The following DGKI variants were observed in gnomAD, a reference collection of about 807,000 sequenced individuals.
DGKI encodes diacylglycerol kinase iota, also known as DAG kinase iota.
A neutral mutation model predicts 147.5 loss-of-function variants in DGKI; 55 were observed. The ratio of observed to expected loss-of-function variants is 0.37; its 90% CI spans 0.30 to 0.47. DGKI has a LOEUF of 0.47. Ranked by LOEUF, DGKI falls within the 20% of genes least tolerant of loss-of-function variation. DGKI has a pLI of 1.00. For missense variants in DGKI, 1,007 were observed against 1,323.8 expected (o/e 0.76, Z 3.71); for synonymous variants, 469 against 477.1 (o/e 0.98, Z 0.22).
intron 1 of DGKI, among the ~76,000 whole-genome samples, chr7:137,752,633 C>T (rs1345852170): frequency 1.3e-5 from 2 of 152,298 alleles, no homozygotes; most frequent in East Asian, 1.9e-4. Flanking sequence ...AATCCCTGTC[C>T]TGTTCTGTTC....
At chr7:137,649,115 A>G (rs766022048) in intron 5 of DGKI, among the ~76,000 whole-genome samples, 3 of 152,218 alleles carry the variant, frequency 2.0e-5, no homozygotes, top group Non-Finnish European at 2.9e-5. Flanking sequence ...GTTTGAACAA[A>G]GCAAACATCC....
intron 19 of DGKI, among the ~76,000 whole-genome samples, chr7:137,560,420 G>T (rs1723102): frequency 1.7e-3 from 255 of 151,990 alleles, no homozygotes; most frequent in African/African-American, 5.8e-3. Context: ...AGTTCGTTGG[G>T]GAAAAAAATA....
At chr7:137,822,659 T>C (rs1232553281) in intron 1 of DGKI, among the ~76,000 whole-genome samples, 2 of 151,874 alleles carry the variant, frequency 1.3e-5, no homozygotes, top group East Asian at 1.9e-4. Context: ...CAGCCTCCAA[T>C]GTAAAGAGAA....
intron 1 of DGKI, among the ~76,000 whole-genome samples, chr7:137,743,513 A>C (rs1795238653): frequency 6.6e-6 from 1 of 152,238 alleles, no homozygotes. Flanking sequence ...TAAACTAAAC[A>C]ACTTGCACAT....
intron 8 of DGKI, among the ~76,000 whole-genome samples, chr7:137,617,124 C>CAAA (rs60654879): frequency 1.7e-3 from 82 of 48,072 alleles, no homozygotes; most frequent in Admixed American, 3.8e-3. Flanking sequence ...TCCCTTTTAC[C>CAAA]AAAAAAAAAA....
rs1279844504 is a variant in DGKI, at chr7:137,387,407, G to A, written c.*3813C>T. The A allele has an allele frequency of 6.6e-6, 1 of 152,030 alleles. No homozygotes were observed. Among genetic ancestry groups the A allele is most frequent in the Non-Finnish European group, 1.5e-5 (1 of 67,990 alleles). 9.4% of individuals were successfully genotyped at this position (152,030 alleles called of 1,614,324 possible). A position where few individuals can be genotyped will look rare whatever the true frequency, so the allele number is the denominator to read the frequency against. On this transcript the variant is annotated 3_prime_UTR_variant, in exon 33 of 33. Coordinates refer to ENST00000614521, the MANE Select transcript of DGKI (RefSeq NM_001321708.2). Reference sequence around the variant, plus strand: ...CAATGGTGGAAACAAAAAAATAAATGGAACTTCTCTGTTTAACCTGTCTTT... The same window carrying A: ...CAATGGTGGAAACAAAAAAATAAATAGAACTTCTCTGTTTAACCTGTCTTT...
intron 1 of DGKI, among the ~76,000 whole-genome samples, chr7:137,796,005 G>A (rs531363522): frequency 2.6e-5 from 4 of 152,132 alleles, no homozygotes; most frequent in South Asian, 2.1e-4. Context: ...TACTAGTAAT[G>A]GCAACAAAAA....
intron 10 of DGKI, 121 bp downstream of exon 10, chr7:137,608,845 T>C: frequency 1.3e-6 from 1 of 756,372 alleles, no homozygotes. Context: ...ACCTTGTTCC[T>C]GAGAAACCGG....
chr7:137,839,848 A>T (rs1394762089), intron 1 of DGKI, among the ~76,000 whole-genome samples: 1 of 152,242 alleles, frequency 6.6e-6, no homozygotes, highest in Non-Finnish European at 1.5e-5. Flanking sequence ...GCAAATTTCC[A>T]TTTCAGCAAA....
chr7:137,491,579 C>T (rs772870005), intron 21 of DGKI, among the ~76,000 whole-genome samples: 26 of 152,174 alleles, frequency 1.7e-4, no homozygotes, highest in Non-Finnish European at 3.4e-4. Context: ...TCTTCCTATC[C>T]TGATAAATAT....
intron 1 of DGKI, among the ~76,000 whole-genome samples, chr7:137,710,021 T>G (rs1386776995): frequency 1.3e-5 from 2 of 151,548 alleles, no homozygotes; most frequent in East Asian, 1.9e-4. Context: ...TTAAGAGACA[T>G]AGAGAAGAGA....
At chr7:137,492,527 G>A (rs1815803089) in intron 21 of DGKI, among the ~76,000 whole-genome samples, 1 of 152,162 alleles carries the variant, frequency 6.6e-6, no homozygotes, top group African/African-American at 2.4e-5. Flanking sequence ...GGGAAGGAAT[G>A]ACATACTCTC....
chr7:137,540,009 C>T (rs1563075255), intron 20 of DGKI, among the ~76,000 whole-genome samples: 1 of 152,132 alleles, frequency 6.6e-6, no homozygotes, highest in Non-Finnish European at 1.5e-5. Flanking sequence ...TCCTCAAATA[C>T]TTCGAGCAAC....
intron 19 of DGKI, among the ~76,000 whole-genome samples, chr7:137,559,133 G>A (rs904820321): frequency 1.7e-4 from 22 of 132,388 alleles, no homozygotes; most frequent in Admixed American, 4.6e-4. Flanking sequence ...GTGCAGTGGC[G>A]GGATCTCGGC....
intron 1 of DGKI, among the ~76,000 whole-genome samples, chr7:137,695,691 G>A (rs369275104): frequency 7.2e-5 from 11 of 152,266 alleles, no homozygotes; most frequent in African/African-American, 2.6e-4. Flanking sequence ...ATAAAATGCT[G>A]ACAGTACACA....
rs866621266 is a variant in DGKI at position 137,585,277 on chromosome 7, G to A, written c.1495C>T (p.Arg499Cys). Reference protein sequence around the residue: ...VEDGTVVQLDRWNLHVERNPD... With the variant: ...VEDGTVVQLDCWNLHVERNPD... ...TTTCTTTCCACATGGAGGTTCCAGCGATCTAGCTGTACAACTGTCCCATCT... is the reference window on the plus strand; with the variant it reads ...TTTCTTTCCACATGGAGGTTCCAGCAATCTAGCTGTACAACTGTCCCATCT... Residue 499 changes from arginine (R) to cysteine (C), a missense_variant, in exon 14 of 33, where the codon CGC becomes TGC. Arg to Cys is a radical substitution (Grantham distance 180, BLOSUM62 -3). Transcript: ENST00000614521. 1.2e-6 allele frequency: 2 copies of A among 1,614,054 alleles called. No individual in the cohort carries two copies. The highest frequency in any genetic ancestry group is 8.5e-7 in the Non-Finnish European group (1 of 1,179,972).
At chr7:137,751,513 C>T (rs780137354) in intron 1 of DGKI, among the ~76,000 whole-genome samples, 9 of 152,198 alleles carry the variant, frequency 5.9e-5, no homozygotes, top group Non-Finnish European at 1.0e-4. Flanking sequence ...ACGTTTCAGA[C>T]GTGTCTCTCA....
intron 21 of DGKI, among the ~76,000 whole-genome samples, chr7:137,505,711 C>CA (rs34646057): frequency 0.098 from 6,039 of 61,484 alleles, 424 homozygotes; most frequent in African/African-American, 0.24. Context: ...ATAAGAGATG[C>CA]AAAAAAAAAA....
intron 3 of DGKI, among the ~76,000 whole-genome samples, chr7:137,661,637 C>T (rs1427617342): frequency 6.6e-6 from 1 of 152,058 alleles, no homozygotes; most frequent in Admixed American, 6.5e-5. Flanking sequence ...GGACTAGAAA[C>T]CGAGGGAAGG....
Sources: gnomAD v4.1 joint callset for allele counts (sites outside exome capture counted in the v4.1 genomes callset) on GRCh38, gnomAD v4.1.1 for gene constraint, MANE v1.5 for transcripts, NCBI Gene and HGNC (gene_info 2026-07-23, HGNC 2026-07-21) for gene names.